Variants in GRK5 observed in about 807,000 individuals in gnomAD.
The protein encoded by GRK5 is g protein-coupled receptor kinase GRK5.
Under a neutral mutation model 78.4 loss-of-function variants are expected in GRK5, and 40 were observed. The observed-to-expected ratio is 0.51, with a 90% CI of 0.40 to 0.66. The LOEUF (loss-of-function observed/expected upper bound fraction) is 0.66, where lower values mean the gene tolerates loss of function less well. Among genes scored for constraint, GRK5 ranks in the 30% least tolerant of loss-of-function variants. The pLI is 0.00. For synonymous variants in GRK5, 289 were observed against 296.8 expected, an observed-to-expected ratio of 0.97 and a Z score of 0.27; for missense variants, 598 against 759.9, an observed-to-expected ratio of 0.79 and a Z score of 2.50.
intron 1 of GRK5, among the ~76,000 whole-genome samples, chr10:119,322,632 T>C (rs924531806): frequency 2.0e-5 from 3 of 152,232 alleles, no homozygotes; most frequent in Non-Finnish European, 4.4e-5. Flanking sequence ...CTGGGTTCCA[T>C]AGACTGGCTG....
chr10:119,278,664 C>T (rs1413942908), intron 1 of GRK5, among the ~76,000 whole-genome samples: 1 of 152,138 alleles, frequency 6.6e-6, no homozygotes, highest in Non-Finnish European at 1.5e-5. Context: ...TCATTCATTG[C>T]CCCTTCCTAG....
At chr10:119,223,309 A>G (rs940756940) in intron 1 of GRK5, among the ~76,000 whole-genome samples, 7 of 152,168 alleles carry the variant, frequency 4.6e-5, no homozygotes, top group Non-Finnish European at 8.8e-5. Flanking sequence ...TAAAGATCCT[A>G]TTTCCAAATA....
chr10:119,287,056 G>C (rs1276828001), intron 1 of GRK5, among the ~76,000 whole-genome samples: 1 of 151,176 alleles, frequency 6.6e-6, no homozygotes, highest in Admixed American at 6.6e-5. Flanking sequence ...AGGGAAGGGA[G>C]GGAGGAAAGA....
intron 2 of GRK5, among the ~76,000 whole-genome samples, chr10:119,337,609 TC>T (rs373325268): frequency 4.0e-5 from 6 of 151,882 alleles, no homozygotes; most frequent in South Asian, 4.2e-4. Context: ...TCTCTAAGTT[TC>T]CCCCCCACTT....
At chr10:119,415,683 G>T (rs1852435453) in intron 4 of GRK5, among the ~76,000 whole-genome samples, 1 of 152,188 alleles carries the variant, frequency 6.6e-6, no homozygotes, top group African/African-American at 2.4e-5. Context: ...GCTGTGAAAT[G>T]GGGGCCAGCT....
At chr10:119,357,309 A>G (rs1052338308) in intron 2 of GRK5, among the ~76,000 whole-genome samples, 1 of 152,256 alleles carries the variant, frequency 6.6e-6, no homozygotes, top group Non-Finnish European at 1.5e-5. Context: ...AAATTCCCTC[A>G]GCACTAGAGA....
At chr10:119,334,415 C>T (rs1850839861) in intron 2 of GRK5, 1 of 153,968 alleles carries the variant, frequency 6.5e-6, no homozygotes, top group Non-Finnish European at 1.4e-5. Context: ...ACAGGGCAGA[C>T]AGACCATGAG....
intron 1 of GRK5, among the ~76,000 whole-genome samples, chr10:119,304,689 G>A (rs1490141494): frequency 6.6e-6 from 1 of 152,120 alleles, no homozygotes; most frequent in Non-Finnish European, 1.5e-5. Flanking sequence ...CAACACTGTC[G>A]CCAGTGCACC....
At chr10:119,429,711 C>T (rs545799269) in intron 6 of GRK5, among the ~76,000 whole-genome samples, 1 of 152,040 alleles carries the variant, frequency 6.6e-6, no homozygotes, top group South Asian at 2.1e-4. Context: ...TCTCATGTTC[C>T]TCATCTATGT....
chr10:119,250,477 T>C (rs1013982166), intron 1 of GRK5, among the ~76,000 whole-genome samples: 3 of 152,086 alleles, frequency 2.0e-5, no homozygotes, highest in African/African-American at 7.2e-5. Flanking sequence ...TATTACAACC[T>C]TGATCTCCCA....
intron 1 of GRK5, among the ~76,000 whole-genome samples, chr10:119,208,207 A>G (rs929899244): frequency 1.2e-4 from 18 of 152,284 alleles, no homozygotes; most frequent in African/African-American, 4.1e-4. Context: ...CATATCTCCT[A>G]GTTTCCAGCG....
Position 119,378,449 on chromosome 10 carries a change from C to G in GRK5, c.149-2366C>G, listed in dbSNP as rs1300104919. ...GAGAGAATGAAACGTTTTAGAGTGC[C>G]TTCTTCAACATACGCTACTTAGACC... is the stretch of plus-strand genomic sequence containing the variant. On this transcript the variant is annotated intron_variant, in intron 2 of 15. Transcript: ENST00000392870. The surrounding 1 kb of genome is among the most constrained non-coding windows in gnomAD (Gnocchi z 4.5). Among the ~76,000 whole-genome samples the G allele has an allele frequency of 6.6e-6, 1 of 152,206 alleles. No individual in the cohort carries two copies. Among genetic ancestry groups the G allele is most frequent in the Non-Finnish European group, 1.5e-5 (1 of 68,034 alleles).
At chr10:119,251,919 G>A (rs1009879750) in intron 1 of GRK5, among the ~76,000 whole-genome samples, 5 of 152,258 alleles carry the variant, frequency 3.3e-5, no homozygotes, top group South Asian at 4.1e-4. Flanking sequence ...CTGCTTCTCC[G>A]CCCTGTGCAT....
At chr10:119,242,751 G>A (rs1849046752) in intron 1 of GRK5, among the ~76,000 whole-genome samples, 1 of 152,028 alleles carries the variant, frequency 6.6e-6, no homozygotes, top group South Asian at 2.1e-4. Context: ...TTTATGAGGG[G>A]CTCTTTCCCC....
At chr10:119,254,987 C>T (rs536541323) in intron 1 of GRK5, among the ~76,000 whole-genome samples, 55 of 142,440 alleles carry the variant, frequency 3.9e-4, no homozygotes, top group Middle Eastern at 3.6e-3. Context: ...CCCAGGAAGC[C>T]GAGATTGCGC....
intron 15 of GRK5, among the ~76,000 whole-genome samples, chr10:119,454,369 C>T (rs1853357112): frequency 6.6e-6 from 1 of 152,186 alleles, no homozygotes. Context: ...TAGAAATGCC[C>T]ATTGCCTAGA....
intron 1 of GRK5, among the ~76,000 whole-genome samples, chr10:119,227,622 G>A (rs1230494684): frequency 6.6e-6 from 1 of 152,138 alleles, no homozygotes; most frequent in Non-Finnish European, 1.5e-5. Flanking sequence ...CCTTGTTACA[G>A]CCAGGAAGGA....
intron 1 of GRK5, among the ~76,000 whole-genome samples, chr10:119,216,759 C>T (rs1848581097): frequency 6.6e-6 from 1 of 152,108 alleles, no homozygotes; most frequent in African/African-American, 2.4e-5. Context: ...TCAAGATCAG[C>T]CTGACCACCG....
At chr10:119,400,365 C>T (rs78236374) in intron 4 of GRK5, among the ~76,000 whole-genome samples, 11,176 of 152,156 alleles carry the variant, frequency 0.073, 592 homozygotes, top group East Asian at 0.22. Flanking sequence ...GAAGGAGGAG[C>T]GGCCTTCATG....
Sources: gnomAD v4.1 joint callset for allele counts (sites outside exome capture counted in the v4.1 genomes callset) on GRCh38, gnomAD v4.1.1 for gene constraint, Gnocchi (gnomAD v3.1) non-coding constraint, MANE v1.5 for transcripts, NCBI Gene and HGNC (gene_info 2026-07-23, HGNC 2026-07-21) for gene names.